The following OPCML variants were observed in gnomAD, a reference collection of about 807,000 sequenced individuals.
OPCML encodes the protein opioid binding protein/cell adhesion molecule like.
In OPCML, 13 loss-of-function variants were observed where a neutral mutation model predicts 37.8. That is an observed-to-expected ratio of 0.34 (90% CI 0.22 to 0.55). OPCML has a LOEUF of 0.55. OPCML is among the 20% of genes least tolerant of loss of function. The pLI is 0.91. For synonymous variants in OPCML, 176 were observed against 168.8 expected (o/e 1.04, Z -0.33); for missense variants, 341 against 435.6 (o/e 0.78, Z 1.93).
At chr11:132,650,163 T>C (rs896225527) in intron 3 of OPCML, among the ~76,000 whole-genome samples, 4 of 151,906 alleles carry the variant, frequency 2.6e-5, no homozygotes, top group African/African-American at 9.7e-5. Flanking sequence ...AACCAAAAAG[T>C]GAACAACAAG....
chr11:132,502,487 C>A (rs1373903543), intron 4 of OPCML, among the ~76,000 whole-genome samples: 1 of 152,284 alleles, frequency 6.6e-6, no homozygotes, highest in East Asian at 1.9e-4. Context: ...TTCTCTTAAG[C>A]TCCTGCTCTC....
intron 1 of OPCML, among the ~76,000 whole-genome samples, chr11:133,530,819 CTCTCT>C (rs1334909306): frequency 6.6e-6 from 1 of 152,194 alleles, no homozygotes; most frequent in African/African-American, 2.4e-5. Flanking sequence ...TTAGTTGATC[CTCTCT>C]TCTTTCTCCC....
intron 2 of OPCML, among the ~76,000 whole-genome samples, chr11:132,931,165 T>A (rs1261015046): frequency 1.3e-5 from 2 of 150,470 alleles, no homozygotes; most frequent in Non-Finnish European, 3.0e-5. Context: ...AAAAAAACCC[T>A]CAAAATGGAT....
At chr11:132,422,465 A>G (rs553499767) in intron 7 of OPCML, among the ~76,000 whole-genome samples, 2 of 152,186 alleles carry the variant, frequency 1.3e-5, no homozygotes, top group East Asian at 1.9e-4. Context: ...GTTTACAGTC[A>G]TATTCAGCTT....
intron 1 of OPCML, among the ~76,000 whole-genome samples, chr11:133,326,424 T>C (rs1412215447): frequency 3.9e-5 from 5 of 127,910 alleles, no homozygotes; most frequent in African/African-American, 1.5e-4. Context: ...TGGATATGCA[T>C]GTGTGTGGGT....
At chr11:132,750,144 A>C (rs946122164) in intron 2 of OPCML, among the ~76,000 whole-genome samples, 9 of 152,210 alleles carry the variant, frequency 5.9e-5, no homozygotes, top group African/African-American at 2.2e-4. Flanking sequence ...AGACCAGCCT[A>C]ACCATTGAAT....
chr11:133,187,302 A>G (rs1429163497), intron 1 of OPCML, among the ~76,000 whole-genome samples: 1 of 152,004 alleles, frequency 6.6e-6, no homozygotes, highest in African/African-American at 2.4e-5. Context: ...TTCCACTTTC[A>G]GTGTAGTCTC....
chr11:133,282,033 A>C (rs1337419018), intron 1 of OPCML, among the ~76,000 whole-genome samples: 1 of 152,010 alleles, frequency 6.6e-6, no homozygotes, highest in South Asian at 2.1e-4. Context: ...ACAAAAAAAA[A>C]CTTAAACTAG....
At chr11:133,062,020 A>C (rs977106189) in intron 1 of OPCML, among the ~76,000 whole-genome samples, 1 of 152,126 alleles carries the variant, frequency 6.6e-6, no homozygotes, top group Admixed American at 6.5e-5. Flanking sequence ...TTTTAGAATA[A>C]ATTTCCTAGC....
At chr11:133,268,456 T>C (rs900198186) in intron 1 of OPCML, among the ~76,000 whole-genome samples, 1 of 152,236 alleles carries the variant, frequency 6.6e-6, no homozygotes, top group African/African-American at 2.4e-5. Context: ...TAGATACAAA[T>C]ATATTAAAGT....
intron 1 of OPCML, among the ~76,000 whole-genome samples, chr11:133,404,084 C>G (rs1364109103): frequency 2.0e-5 from 3 of 152,204 alleles, no homozygotes; most frequent in African/African-American, 4.8e-5. Flanking sequence ...CTCTGCGGCT[C>G]TGCTCTGTGC....
intron 7 of OPCML, among the ~76,000 whole-genome samples, chr11:132,429,046 T>C (rs1460923710): frequency 6.9e-6 from 1 of 144,684 alleles, no homozygotes; most frequent in South Asian, 2.1e-4. Context: ...GATGGATGGA[T>C]GGATGGATGG....
intron 3 of OPCML, among the ~76,000 whole-genome samples, chr11:132,537,768 A>G (rs1294890396): frequency 6.6e-6 from 1 of 152,228 alleles, no homozygotes; most frequent in Non-Finnish European, 1.5e-5. Flanking sequence ...TGCATAAATA[A>G]TTCTCCAAAG....
intron 1 of OPCML, among the ~76,000 whole-genome samples, chr11:133,279,130 A>G (rs1021662923): frequency 6.6e-6 from 1 of 152,136 alleles, no homozygotes; most frequent in Non-Finnish European, 1.5e-5. Context: ...CTGTTTCCAA[A>G]CCTGGGCTTT....
intron 2 of OPCML, among the ~76,000 whole-genome samples, chr11:132,814,180 G>A (rs1461370442): frequency 6.6e-6 from 1 of 152,206 alleles, no homozygotes; most frequent in Non-Finnish European, 1.5e-5. Context: ...CAAGTGATAT[G>A]TACGAGGAAC....
intron 1 of OPCML, among the ~76,000 whole-genome samples, chr11:133,518,570 C>A (rs140540282): frequency 6.6e-6 from 1 of 151,540 alleles, no homozygotes; most frequent in Admixed American, 6.6e-5. Context: ...TGTGTGTGTG[C>A]CTATGGCTGG....
At chr11:133,002,222 C>G (rs1179985187) in intron 1 of OPCML, among the ~76,000 whole-genome samples, 1 of 152,198 alleles carries the variant, frequency 6.6e-6, no homozygotes, top group East Asian at 1.9e-4. Flanking sequence ...CTCAGCCTCA[C>G]AAAGTTTGTA....
At chr11:133,054,024 G>A (rs1271734752) in intron 1 of OPCML, among the ~76,000 whole-genome samples, 1 of 152,106 alleles carries the variant, frequency 6.6e-6, no homozygotes, top group Non-Finnish European at 1.5e-5. Context: ...ACTTTCTCAG[G>A]CTAAAACCCT....
intron 1 of OPCML, among the ~76,000 whole-genome samples, chr11:133,315,946 A>G (rs1943196750): frequency 6.6e-6 from 1 of 152,214 alleles, no homozygotes; most frequent in South Asian, 2.1e-4. Context: ...TTTGGGGTGC[A>G]GCAGCAAGAA....
Sources: gnomAD v4.1 joint callset for allele counts (sites outside exome capture counted in the v4.1 genomes callset) on GRCh38, gnomAD v4.1.1 for gene constraint, MANE v1.5 for transcripts, NCBI Gene and HGNC (gene_info 2026-07-23, HGNC 2026-07-21) for gene names.